ZFAT: variants seen among roughly 807,000 people sequenced by gnomAD.
ZFAT encodes zinc finger and AT-hook domain containing.
ZFAT carries 64 observed loss-of-function variants against 117.7 expected under a neutral mutation model. The observed-to-expected ratio is 0.54, with a 90% confidence interval of 0.44 to 0.67. ZFAT has a LOEUF of 0.67. Among genes scored for constraint, ZFAT ranks in the 30% least tolerant of loss-of-function variants. The pLI, the probability that ZFAT is intolerant of heterozygous loss-of-function variation, is 0.00. For missense variants in ZFAT, 1,433 were observed against 1,584.5 expected (o/e 0.90, Z 1.62); for synonymous variants, 679 against 615.0 (o/e 1.10, Z -1.54).
intron 1 of ZFAT, among the ~76,000 whole-genome samples, chr8:134,706,878 C>T (rs1282343972): frequency 1.6e-5 from 2 of 125,246 alleles, no homozygotes; most frequent in South Asian, 5.1e-4. Context: ...TATAGTACGC[C>T]AAAAAAAAAA....
chr8:134,572,900 C>A (rs1479742093), intron 10 of ZFAT, among the ~76,000 whole-genome samples: 1 of 152,064 alleles, frequency 6.6e-6, no homozygotes. Context: ...ATTTGACCCA[C>A]AGGCCCAGAT....
chr8:134,510,122 C>A (rs1171669633), intron 14 of ZFAT: 2 of 459,294 alleles, frequency 4.4e-6, no homozygotes, highest in Non-Finnish European at 8.7e-6. Flanking sequence ...CCTGGGAGCA[C>A]CCAGCAAGCC....
intron 1 of ZFAT, among the ~76,000 whole-genome samples, chr8:134,706,563 C>T (rs1056006006): frequency 6.6e-6 from 1 of 151,992 alleles, no homozygotes; most frequent in Non-Finnish European, 1.5e-5. Context: ...GTGGTGGTAT[C>T]CCCCTGTAAT....
At chr8:134,594,795 C>T (rs1019888559) in intron 7 of ZFAT, 6 of 152,178 alleles carry the variant, frequency 3.9e-5, no homozygotes, top group Non-Finnish European at 1.5e-5. Context: ...CAGAAAGTAA[C>T]ATCAAACTTA....
chr8:134,535,918 T>C (rs988774418), intron 11 of ZFAT, among the ~76,000 whole-genome samples: 5 of 152,258 alleles, frequency 3.3e-5, no homozygotes, highest in Non-Finnish European at 7.4e-5. Flanking sequence ...GAAAATGCTA[T>C]ATTGCCAGCA....
At chr8:134,479,925 C>A (rs1231211468) in intron 15 of ZFAT, among the ~76,000 whole-genome samples, 2 of 150,432 alleles carry the variant, frequency 1.3e-5, no homozygotes, top group Non-Finnish European at 1.5e-5. Flanking sequence ...CAGTACTGAC[C>A]TTTTAATCCC....
At chr8:134,497,336 G>C (rs184980915) in intron 15 of ZFAT, among the ~76,000 whole-genome samples, 1 of 152,338 alleles carries the variant, frequency 6.6e-6, no homozygotes, top group Admixed American at 6.5e-5. Context: ...TCCTCTGTGA[G>C]CCAGAGGAGG....
chr8:134,547,566 G>C (rs572556423), intron 11 of ZFAT, among the ~76,000 whole-genome samples: 2 of 152,318 alleles, frequency 1.3e-5, no homozygotes, highest in Admixed American at 1.3e-4. Flanking sequence ...CTGCAGTAGT[G>C]AAGATTTATT....
In ZFAT at chr8:134,601,735, C is replaced by A. The variant is rs757579630; in HGVS notation, c.1984G>T (p.Val662Leu). 5 of 1,612,902 alleles carry A rather than the reference C, an allele frequency of 3.1e-6. No individual in the cohort carries two copies. The African/African-American group carries it at 6.7e-5, about 22-fold the overall frequency. ...GGATCTGGGTCACCAGCTGAAAGCA[C>A]AGCCATGTTCTGCCCTTCCCCTAGG... Reference protein sequence around the residue: ...SPLGEGQNMAVLSAGDPDPSR... With the variant: ...SPLGEGQNMALLSAGDPDPSR... The change falls in exon 6 of 16, where the codon GTG (valine) becomes TTG (leucine). Residue 662 changes from valine (V) to leucine (L), a missense_variant. Coordinates refer to ENST00000377838, the MANE Select transcript of ZFAT (RefSeq NM_020863.4).
intron 2 of ZFAT, among the ~76,000 whole-genome samples, chr8:134,650,464 T>A (rs1004305355): frequency 1.3e-5 from 2 of 152,186 alleles, no homozygotes; most frequent in Non-Finnish European, 2.9e-5. Flanking sequence ...GTCTCAGGTA[T>A]TTCTTCACAG....
intron 3 of ZFAT, among the ~76,000 whole-genome samples, chr8:134,631,855 T>C (rs898327312): frequency 6.6e-6 from 1 of 152,246 alleles, no homozygotes; most frequent in Non-Finnish European, 1.5e-5. Context: ...CATGGGACTC[T>C]TCTGTATTAT....
intron 2 of ZFAT, among the ~76,000 whole-genome samples, chr8:134,650,809 G>T (rs937077453): frequency 6.6e-6 from 1 of 152,204 alleles, no homozygotes; most frequent in African/African-American, 2.4e-5. Flanking sequence ...AATGGGAAAA[G>T]AACAGTCTTG....
At position 134,478,797 on chromosome 8, in the gene ZFAT, A is replaced by G; in HGVS notation, c.3493-76T>C. On this transcript the variant is annotated intron_variant, in intron 15 of 15. Coordinates refer to ENST00000377838, the MANE Select transcript of ZFAT (RefSeq NM_020863.4). The surrounding 1 kb of genome is among the most constrained non-coding windows in gnomAD (Gnocchi z 5.2). ...AGCGTAACAACAAAGTCACAACTAC[A>G]GTTTAGGAGGCACCAGTGCGCTGCG... 5 of 1,504,142 alleles carry G rather than the reference A, an allele frequency of 3.3e-6. No homozygotes were observed. The highest frequency in any genetic ancestry group is 4.4e-6 in the Non-Finnish European group (5 of 1,125,138). 93.2% of individuals were successfully genotyped at this position (1,504,142 alleles called of 1,614,324 possible).
intron 3 of ZFAT, among the ~76,000 whole-genome samples, chr8:134,624,174 GCACATGCA>G (rs1829325596): frequency 8.5e-6 from 1 of 117,182 alleles, no homozygotes; most frequent in African/African-American, 3.2e-5. Context: ...AGGCACATGT[GCACATGCA>G]CACACACACA....
the ZFAT span, chr8:134,800,504 G>A: frequency 6.0e-6 from 3 of 502,546 alleles, no homozygotes; most frequent in Admixed American, 2.0e-5. Flanking sequence ...TTTTATCAAT[G>A]TTAATTGGTT....
the ZFAT span, among the ~76,000 whole-genome samples, chr8:134,759,738 G>A: frequency 2.0e-5 from 3 of 152,036 alleles, no homozygotes; most frequent in Admixed American, 6.6e-5. Flanking sequence ...AAATTTGGGC[G>A]GCTGAGGCAA....
intron 11 of ZFAT, among the ~76,000 whole-genome samples, chr8:134,556,777 C>T (rs113338898): frequency 2.0e-5 from 3 of 152,116 alleles, no homozygotes; most frequent in African/African-American, 7.2e-5. Context: ...TACCAGCACA[C>T]AAGAAATGCT....
chr8:134,513,140 G>A (rs1035151421), intron 13 of ZFAT, among the ~76,000 whole-genome samples: 5 of 152,050 alleles, frequency 3.3e-5, no homozygotes, highest in Non-Finnish European at 7.4e-5. Context: ...AGCACGTGGA[G>A]AGCACAGGTC....
At chr8:134,782,940 G>A in the ZFAT span, among the ~76,000 whole-genome samples, 9 of 151,466 alleles carry the variant, frequency 5.9e-5, no homozygotes, top group Non-Finnish European at 1.2e-4. Flanking sequence ...TTAAGTTTGC[G>A]GACATCCTCA....
Sources: allele counts gnomAD v4.1 joint callset (sites outside exome capture counted in the v4.1 genomes callset), GRCh38; gene constraint gnomAD v4.1.1; non-coding constraint Gnocchi (gnomAD v3.1); transcripts MANE v1.5; gene names NCBI Gene and HGNC (gene_info 2026-07-23, HGNC 2026-07-21).